Variants in EFCAB6 observed in about 807,000 individuals in gnomAD.
EFCAB6 encodes the protein EF-hand calcium-binding domain-containing protein 6.
EFCAB6 carries 156 observed loss-of-function variants against 169.8 expected under a neutral mutation model. The ratio of observed to expected loss-of-function variants is 0.92; its 90% CI spans 0.81 to 1.05. The LOEUF (loss-of-function observed/expected upper bound fraction) is 1.05, where lower values mean the gene tolerates loss of function less well. EFCAB6 is among the 50% of genes least tolerant of loss of function. EFCAB6 has a pLI of 0.00. For missense variants in EFCAB6, 1,800 were observed against 1,829.1 expected, an observed-to-expected ratio of 0.98 and a Z score of 0.29; for synonymous variants, 698 against 676.4, an observed-to-expected ratio of 1.03 and a Z score of -0.50.
In EFCAB6 at chr22:43,647,335, A is replaced by C. The variant is rs568884466; in HGVS notation, c.1984-12119T>G. ...AATGGCAAAATATGGAACTATAACA[A>C]AACAAAAAGACATGATATATTTGGA... On this transcript the variant is annotated intron_variant, in intron 17 of 31. Transcript: ENST00000262726. Among the ~76,000 whole-genome samples, 5 of 152,358 alleles carry C rather than the reference A, an allele frequency of 3.3e-5. No homozygotes were observed. In the South Asian group the frequency reaches 1.0e-3, roughly 32 times the overall value.
intron 2 of EFCAB6, among the ~76,000 whole-genome samples, chr22:43,800,601 C>T (rs898175518): frequency 1.2e-4 from 19 of 152,106 alleles, no homozygotes; most frequent in Non-Finnish European, 2.4e-4. Flanking sequence ...CAATTCAGAA[C>T]TTTATCAGAG....
At chr22:43,714,454 CTG>C (rs1004017438) in intron 9 of EFCAB6, among the ~76,000 whole-genome samples, 10 of 151,776 alleles carry the variant, frequency 6.6e-5, no homozygotes. Context: ...GTCCATCACA[CTG>C]TATTCCAGGA....
chr22:43,614,177 CAAAAAA>C lies in EFCAB6; in HGVS notation c.2562+1643_2562+1648del, dbSNP rs56164555. Among the ~76,000 whole-genome samples the C allele has an allele frequency of 1.3e-4, 9 of 68,788 alleles. 1 individual carries two copies. The highest frequency in any genetic ancestry group is 1.7e-4 in the Non-Finnish European group (7 of 41,034). 45.1% of individuals were successfully genotyped at this position (68,788 alleles called of 152,430 possible). A position where few individuals can be genotyped will look rare whatever the true frequency, so the allele number is the denominator to read the frequency against. On this transcript the variant is annotated intron_variant, in intron 21 of 31. Transcript: ENST00000262726. ...ACTCAGAATAGCCAACACAATACTG[CAAAAAA>C]AAAAAAAAAAGAACAAACTTGGAGA...
Position 43,626,563 on chromosome 22 carries a change from C to G in EFCAB6, c.2349G>C (p.Glu783Asp). Reference protein sequence around the residue: ...LLLNLKDDEFERFLGLLGLRL... With the variant: ...LLLNLKDDEFDRFLGLLGLRL... ...TCAAGCCAAGAAGGCCAAGGAAGCGCTCAAACTCGTCGTCTTTGAGATTAA... is the reference window on the plus strand; with the variant it reads ...TCAAGCCAAGAAGGCCAAGGAAGCGGTCAAACTCGTCGTCTTTGAGATTAA... Residue 783 changes from glutamate (E) to aspartate (D), a missense_variant, in exon 20 of 32, where the codon GAG (glutamate) becomes GAC (aspartate). Coordinates refer to ENST00000262726, the MANE Select transcript of EFCAB6 (RefSeq NM_022785.4). The G allele has an allele frequency of 3.1e-6, 5 of 1,614,178 alleles. No homozygotes were observed. The highest frequency in any genetic ancestry group is 4.2e-6 in the Non-Finnish European group (5 of 1,180,050).
intron 16 of EFCAB6, 98 bp from the exon 17 acceptor site, chr22:43,667,370 G>C (rs1296836215): frequency 1.4e-6 from 2 of 1,438,594 alleles, no homozygotes; most frequent in East Asian, 2.3e-5. Context: ...ATGACAGTAA[G>C]AAGGTTTCCC....
At chr22:43,668,510 C>A (rs1177555746) in intron 16 of EFCAB6, among the ~76,000 whole-genome samples, 4 of 152,072 alleles carry the variant, frequency 2.6e-5, no homozygotes, top group Non-Finnish European at 5.9e-5. Context: ...GGCAAGGAAT[C>A]TAAGTTTCTG....
At chr22:43,711,749 T>C (rs1196696449) in intron 9 of EFCAB6, 126 bp from the exon 10 acceptor site, 9 of 1,134,256 alleles carry the variant, frequency 7.9e-6, no homozygotes, top group African/African-American at 1.6e-5. Flanking sequence ...AAAAGGTTAC[T>C]ATGGCATGTA....
At chr22:43,581,604 C>A (rs1402230725) in intron 24 of EFCAB6, among the ~76,000 whole-genome samples, 1 of 152,196 alleles carries the variant, frequency 6.6e-6, no homozygotes, top group Non-Finnish European at 1.5e-5. Flanking sequence ...ACTTAAATTC[C>A]TGGGGAATTG....
At chr22:43,547,280 C>T (rs1257267632) in intron 27 of EFCAB6, among the ~76,000 whole-genome samples, 2 of 152,090 alleles carry the variant, frequency 1.3e-5, no homozygotes, top group Non-Finnish European at 2.9e-5. Flanking sequence ...GTGAACAAAA[C>T]CTTAAAAGCC....
rs541976094 is a variant in EFCAB6, at chr22:43,681,970, C to A, written c.1251+1777G>T. On this transcript the variant is annotated intron_variant, in intron 12 of 31. Coordinates refer to ENST00000262726, the MANE Select transcript of EFCAB6 (RefSeq NM_022785.4). ...CACATATAGCAAATGGGATGCATGC[C>A]TTGGCGTGGATCTAAAGCAGTCTTT... Among the ~76,000 whole-genome samples, 4 of 152,276 alleles carry A rather than the reference C, an allele frequency of 2.6e-5. No individual in the cohort carries two copies. In the East Asian group the frequency reaches 7.7e-4, roughly 29 times the overall value.
chr22:43,574,314 A>G (rs1383955043), intron 26 of EFCAB6, among the ~76,000 whole-genome samples: 1 of 151,542 alleles, frequency 6.6e-6, no homozygotes, highest in Non-Finnish European at 1.5e-5. Context: ...ATGCGTTAGA[A>G]AAAAAAAAAC....
At chr22:43,660,490 T>C (rs137759) in intron 17 of EFCAB6, among the ~76,000 whole-genome samples, 83,775 of 151,512 alleles carry the variant, frequency 0.55, 23,478 homozygotes, top group East Asian at 0.77. Context: ...AGTAATGCAC[T>C]CAGCCCCCAA....
chr22:43,555,698 C>A (rs774697708), intron 26 of EFCAB6, among the ~76,000 whole-genome samples: 3 of 152,194 alleles, frequency 2.0e-5, no homozygotes, highest in Admixed American at 6.5e-5. Flanking sequence ...ACAGTGGGCA[C>A]GGGTCCCAGG....
intron 3 of EFCAB6, among the ~76,000 whole-genome samples, chr22:43,778,666 C>G (rs2061714523): frequency 6.6e-6 from 1 of 152,190 alleles, no homozygotes. Context: ...TCTGTGGAGT[C>G]TCACCAGTGC....
At chr22:43,612,085 G>A (rs1480112869) in intron 21 of EFCAB6, among the ~76,000 whole-genome samples, 4 of 152,158 alleles carry the variant, frequency 2.6e-5, no homozygotes, top group Non-Finnish European at 1.5e-5. Flanking sequence ...TCAATAAATG[G>A]TGCTGGGATA....
At chr22:43,614,612 C>T (rs751326631) in intron 21 of EFCAB6, among the ~76,000 whole-genome samples, 5 of 152,210 alleles carry the variant, frequency 3.3e-5, no homozygotes, top group Non-Finnish European at 7.3e-5. Context: ...CTAGTCCCGA[C>T]CCTTTCCTTA....
chr22:43,755,293 T>C (rs748751043), intron 6 of EFCAB6, among the ~76,000 whole-genome samples: 1 of 152,236 alleles, frequency 6.6e-6, no homozygotes. Context: ...ATAGGAACGA[T>C]GCTATATGCT....
chr22:43,783,404 G>C (rs1178139441), intron 2 of EFCAB6, among the ~76,000 whole-genome samples: 1 of 152,138 alleles, frequency 6.6e-6, no homozygotes, highest in African/African-American at 2.4e-5. Context: ...GCTCAGGAAA[G>C]ACCTGAGAAG....
chr22:43,590,268 G>C (rs1217632997), intron 23 of EFCAB6, 39 bp from the exon 24 acceptor site: 1 of 1,590,838 alleles, frequency 6.3e-7, no homozygotes, highest in African/African-American at 1.3e-5. Context: ...CTAAAATCAG[G>C]AAAACAAATA....
Sources: allele counts gnomAD v4.1 joint callset (sites outside exome capture counted in the v4.1 genomes callset), GRCh38; gene constraint gnomAD v4.1.1; transcripts MANE v1.5; gene names NCBI Gene and HGNC (gene_info 2026-07-23, HGNC 2026-07-21).